Variants in TTN observed in about 807,000 individuals in gnomAD.
The protein encoded by TTN is titin, also known as connectin.
A neutral mutation model predicts 3,223.0 loss-of-function variants in TTN; 1,525 were observed. That is an observed-to-expected ratio of 0.47 (90% CI 0.45 to 0.49). TTN has a LOEUF of 0.49. Ranked by LOEUF, TTN falls within the 20% of genes least tolerant of loss-of-function variation. The pLI, the probability that TTN is intolerant of heterozygous loss-of-function variation, is 0.00. For synonymous variants in TTN, 14,094 were observed against 15,161.0 expected (o/e 0.93, Z 5.17); for missense variants, 40,786 against 43,424.0 (o/e 0.94, Z 5.40).
intron 47 of TTN, chr2:178,748,173 T>C (rs748029952): frequency 1.2e-6 from 2 of 1,613,190 alleles, no homozygotes; most frequent in African/African-American, 1.3e-5. Flanking sequence ...GTTTCTTCTA[T>C]ATCTGCAGAT....
At position 178,547,621 on chromosome 2, in the gene TTN, A is replaced by T. The variant is rs779852538; in HGVS notation, c.94005T>A (p.Asp31335Glu). ...SCVLSWGEPK[D>E]GGGTEITNYI... The stretch of plus-strand genomic sequence containing the variant: ...AATTAGTAATTTCAGTGCCTCCTCC[A>T]TCTTTAGGTTCTCCCCATGACAGGA... Residue 31335 changes from aspartate (D) to glutamate (E), a missense_variant, in exon 339 of 363, where the codon GAT becomes GAA. By Grantham distance (45) the Asp-to-Glu change is conservative (BLOSUM62 2). Transcript: ENST00000589042. 1.6e-5 allele frequency: 26 copies of T among 1,613,878 alleles called. No individual in the cohort carries two copies. The highest frequency in any genetic ancestry group is 2.2e-5 in the Non-Finnish European group (26 of 1,179,830).
At position 178,612,441 on chromosome 2, in the gene TTN, C is replaced by T. The variant is rs794729451; in HGVS notation, c.50084G>A (p.Arg16695Gln). 1.1e-5 allele frequency: 17 copies of T among 1,612,372 alleles called. No homozygotes were observed. The highest frequency in any genetic ancestry group is 2.7e-5 in the African/African-American group (2 of 74,800). ...NYIVEKRDVR[R>Q]KGWQTVDTTV... ...GGTATCCACTGTTTGCCAGCCTTTT[C>T]GCCTGACGTCTCTCTTTTCCACAAT... The change falls in exon 266 of 363, where the codon CGA (arginine) becomes CAA (glutamine). Residue 16695 changes from arginine to glutamine, a missense_variant. By Grantham distance (43) the Arg-to-Gln change is conservative. Transcript: ENST00000589042.
chr2:178,713,871 A>G, intron 92 of TTN, 26 bp downstream of exon 92: 2 of 1,606,450 alleles, frequency 1.2e-6, no homozygotes, highest in East Asian at 2.2e-5. Context: ...ATAATGATGA[A>G]GGAAAAGCCC....
In TTN at chr2:178,528,719, T is replaced by C. The variant is rs1404746485; in HGVS notation, c.107032A>G (p.Ile35678Val). 1 of 1,613,668 alleles carries C rather than the reference T, an allele frequency of 6.2e-7. No homozygotes were observed. Among genetic ancestry groups the C allele is most frequent in the Non-Finnish European group, 8.5e-7 (1 of 1,179,726 alleles). ...ACGATTCCTTCCTTGGTTTTGCTTA[T>C]GCAGGTGAGGATTCCTTCATCTCTG... is the stretch of plus-strand genomic sequence containing the variant. ...SHRDEGILTC[I>V]SKTKEGIVKC... Residue 35678 changes from isoleucine (I) to valine (V), a missense_variant, in exon 360 of 363, where the codon ATA becomes GTA. By Grantham distance (29) the Ile-to-Val change is conservative (BLOSUM62 3). Coordinates refer to ENST00000589042, the MANE Select transcript of TTN (RefSeq NM_001267550.2).
intron 15 of TTN, 48 bp downstream of exon 15, chr2:178,785,572 T>C (rs372008884): frequency 2.3e-5 from 37 of 1,612,244 alleles, no homozygotes; most frequent in Non-Finnish European, 2.0e-5. Context: ...ACAGGTTAGA[T>C]ACTTATTTCC....
Position 178,591,423 on chromosome 2 carries a change from A to G in TTN, c.60302T>C (p.Ile20101Thr), listed in dbSNP as rs777610858. 31 of 1,607,564 alleles carry G rather than the reference A, an allele frequency of 1.9e-5. No homozygotes were observed. Among genetic ancestry groups the G allele is most frequent in the African/African-American group, 2.7e-5 (2 of 74,670 alleles). ...AGTAGGAACAGGCACACCTCTTATA[A>G]TAGCAGGGAATCTGACTGTGGTTCC... ...KAGTTVRFPA[I>T]IRGVPVPTAK... is the part of the protein sequence containing the mutation. Residue 20101 changes from isoleucine (I) to threonine (T), a missense_variant, in exon 304 of 363, where the codon ATT becomes ACT. Ile to Thr is a moderately conservative substitution (Grantham distance 89). Coordinates refer to ENST00000589042, the MANE Select transcript of TTN (RefSeq NM_001267550.2).
At position 178,527,136 on chromosome 2, in the gene TTN, T is replaced by C. The variant is rs1212826574; in HGVS notation, c.107852A>G (p.Asp35951Gly). Residue 35951 changes from aspartate to glycine, a missense_variant, in exon 363 of 363, where the codon GAT becomes GGT. Physicochemically the swap from Asp to Gly is moderately conservative, Grantham distance 94 (BLOSUM62 -1). Coordinates refer to ENST00000589042, the MANE Select transcript of TTN (RefSeq NM_001267550.2). ...EQGRFHIENT[D>G]DLTTLIIMDV... is the part of the protein sequence containing the mutation. ...CATGATGATCAGGGTTGTCAGGTCATCTGTGTTTTCAATGTGGAACCTCCC... is the reference window on the plus strand; with the variant it reads ...CATGATGATCAGGGTTGTCAGGTCACCTGTGTTTTCAATGTGGAACCTCCC... The C allele has an allele frequency of 1.2e-6, 2 of 1,614,002 alleles. No individual in the cohort carries two copies. Among genetic ancestry groups the C allele is most frequent in the Non-Finnish European group, 1.7e-6 (2 of 1,179,876 alleles).
chr2:178,592,859 T>C lies in TTN; in HGVS notation c.59260A>G (p.Lys19754Glu), dbSNP rs752302911. Residue 19754 changes from lysine to glutamate, a missense_variant, in exon 300 of 363, where the codon AAG (lysine) becomes GAG (glutamate). Physicochemically the swap from Lys to Glu is moderately conservative, Grantham distance 56. Transcript: ENST00000589042. The part of the protein sequence containing the change: ...VTGLRDGQTY[K>E]FRVLAVNAAG... ...GCATTGACTGCTAACACTCTAAACTTATAGGTTTGACCGTCCCGAAGACCG... is the reference window on the plus strand; with the variant it reads ...GCATTGACTGCTAACACTCTAAACTCATAGGTTTGACCGTCCCGAAGACCG... 1 of 1,613,504 alleles carries C rather than the reference T, an allele frequency of 6.2e-7. No individual in the cohort carries two copies. The highest frequency in any genetic ancestry group is 8.5e-7 in the Non-Finnish European group (1 of 1,179,612).
Position 178,571,724 on chromosome 2 carries a change from A to G in TTN, c.74408T>C (p.Val24803Ala). Reference protein sequence around the residue: ...SAGEAIETLNVIVLDKPGPPT... With the variant: ...SAGEAIETLNAIVLDKPGPPT... ...AGGCCCTGGTTTGTCAAGAACGATA[A>G]CATTAAGGGTTTCAATAGCTTCACC... The change falls in exon 326 of 363, where the codon GTT (valine) becomes GCT (alanine). Residue 24803 changes from valine (V) to alanine (A), a missense_variant. Physicochemically the swap from Val to Ala is moderately conservative, Grantham distance 64. Coordinates refer to ENST00000589042, the MANE Select transcript of TTN (RefSeq NM_001267550.2). 6.2e-7 allele frequency: 1 copy of G among 1,613,470 alleles called. No individual in the cohort carries two copies. The highest frequency in any genetic ancestry group is 8.5e-7 in the Non-Finnish European group (1 of 1,179,572).
chr2:178,686,270 G>A (rs2070880453), intron 127 of TTN, among the ~76,000 whole-genome samples: 2 of 149,338 alleles, frequency 1.3e-5, no homozygotes, highest in Admixed American at 6.6e-5. Flanking sequence ...ACAGGCGCCC[G>A]CCACTACGCC....
rs868383233 is a variant in TTN at position 178,557,501 on chromosome 2, A to G, written c.87761T>C (p.Ile29254Thr). 8.1e-6 allele frequency: 13 copies of G among 1,613,826 alleles called. No individual in the cohort carries two copies. The Middle Eastern group carries it at 6.6e-4, about 82-fold the overall frequency. The change falls in exon 329 of 363, where the codon ATC becomes ACC. Residue 29254 changes from isoleucine to threonine, a missense_variant. By Grantham distance (89) the Ile-to-Thr change is moderately conservative. Coordinates refer to ENST00000589042, the MANE Select transcript of TTN (RefSeq NM_001267550.2). Reference protein sequence around the residue: ...PWVTNVTRESITVGWHEPVSN... With the variant: ...PWVTNVTRESTTVGWHEPVSN... ...CACTGGTTCATGCCAGCCCACAGTG[A>G]TGCTTTCTCGAGTAACATTAGTGAC...
Position 178,702,567 on chromosome 2 carries a change from A to G in TTN, c.30320T>C (p.Ile10107Thr). Residue 10107 changes from isoleucine to threonine, a missense_variant, in exon 107 of 363, where the codon ATT becomes ACT. Transcript: ENST00000589042. ...FECEVSFDDA[I>T]VTWYKGPTEL... ...TGTTGGTCCTTTGTACCATGTTACA[A>G]TGGCATCATCAAAGGACACTTCACA... The G allele has an allele frequency of 6.2e-7, 1 of 1,613,982 alleles. No individual in the cohort carries two copies. Among genetic ancestry groups the G allele is most frequent in the Non-Finnish European group, 8.5e-7 (1 of 1,179,888 alleles).
At chr2:178,624,780 A>G in intron 241 of TTN, 49 bp from the exon 242 acceptor site, 1 of 1,599,008 alleles carries the variant, frequency 6.3e-7, no homozygotes, top group Non-Finnish European at 8.5e-7. Flanking sequence ...CTTCTCCAAG[A>G]GTTTTGGTAC....
In TTN at chr2:178,527,295, T is replaced by A. The variant is rs774242716; in HGVS notation, c.107693A>T (p.Lys35898Ile). 17 of 1,593,822 alleles carry A rather than the reference T, an allele frequency of 1.1e-5. No homozygotes were observed. The highest frequency in any genetic ancestry group is 3.4e-6 in the Non-Finnish European group (4 of 1,169,332). ...LKAGIRGIPP[K>I]IEALPSDISI... ...GATATCAGATGGAAGAGCTTCAATTTTAGGCGGAATTCCTTTATGGAACAA... is the reference window on the plus strand; with the variant it reads ...GATATCAGATGGAAGAGCTTCAATTATAGGCGGAATTCCTTTATGGAACAA... The change falls in exon 363 of 363, where the codon AAA becomes ATA. Residue 35898 changes from lysine (K) to isoleucine (I), a missense_variant. Coordinates refer to ENST00000589042, the MANE Select transcript of TTN (RefSeq NM_001267550.2).
In TTN at chr2:178,587,909, T is replaced by C; in HGVS notation, c.63498A>G (p.Lys21166=). 6.3e-7 allele frequency: 1 copy of C among 1,592,902 alleles called. No individual in the cohort carries two copies. The highest frequency in any genetic ancestry group is 1.7e-5 in the Admixed American group (1 of 58,112). The part of the protein sequence containing the change: ...PAELKEAIKP[K]EILEPPEIDL... ...AAGGGAAGGACTTACCTAGTATTTCTTTAGGTTTGATAGCTTCCTTTAGCT... is the reference window on the plus strand; with the variant it reads ...AAGGGAAGGACTTACCTAGTATTTCCTTAGGTTTGATAGCTTCCTTTAGCT... Residue 21166 remains lysine, a synonymous_variant, in exon 305 of 363, where the codon AAA becomes AAG. Transcript: ENST00000589042.
chr2:178,717,010 GCT>G, intron 88 of TTN, 83 bp downstream of exon 88: 2 of 1,442,820 alleles, frequency 1.4e-6, no homozygotes, highest in Non-Finnish European at 1.9e-6. Context: ...CCTAAACATA[GCT>G]CTCTCTCAAG....
At position 178,778,198 on chromosome 2, in the gene TTN, T is replaced by C. The variant is rs7570526; in HGVS notation, c.4209-223A>G. On this transcript the variant is annotated intron_variant, in intron 24 of 362. Transcript: ENST00000589042. ...AATTTTAGCTGGTAGTCATTCAGTA[T>C]ATCCAGGTACCCAGGCTCAAAAATC... 583,283 of 583,516 alleles carry C rather than the reference T, an allele frequency of 1. 291,525 individuals carry two copies. Among genetic ancestry groups the C allele is most frequent in the Middle Eastern group, 1 (2,062 of 2,062 alleles). 36.1% of individuals were successfully genotyped at this position (583,516 alleles called of 1,614,324 possible). A position where few individuals can be genotyped will look rare whatever the true frequency, so the allele number is the denominator to read the frequency against.
rs1364199300 is a variant in TTN at position 178,571,197 on chromosome 2, A to G, written c.74935T>C (p.Tyr24979His). Reference sequence around the variant, plus strand: ...TTCTCTGCAGAGACTCTAAATTCATATTCAACACCTTCTTCAAGGCCAGTT... The same window carrying G: ...TTCTCTGCAGAGACTCTAAATTCATGTTCAACACCTTCTTCAAGGCCAGTT... Reference protein sequence around the residue: ...KTTGLEEGVEYEFRVSAENIV... With the variant: ...KTTGLEEGVEHEFRVSAENIV... Residue 24979 changes from tyrosine (Y) to histidine (H), a missense_variant, in exon 326 of 363, where the codon TAT becomes CAT. Tyr to His is a moderately conservative substitution (Grantham distance 83). Coordinates refer to ENST00000589042, the MANE Select transcript of TTN (RefSeq NM_001267550.2). 3 of 1,613,546 alleles carry G rather than the reference A, an allele frequency of 1.9e-6. No homozygotes were observed. In the Admixed American group the frequency reaches 5.0e-5, roughly 27 times the overall value.
chr2:178,626,232 T>C (rs1217673179), intron 240 of TTN, among the ~76,000 whole-genome samples: 1 of 152,002 alleles, frequency 6.6e-6, no homozygotes, highest in African/African-American at 2.4e-5. Context: ...GCAAACCAAT[T>C]AAACCTGTGA....
Sources: allele counts gnomAD v4.1 joint callset (sites outside exome capture counted in the v4.1 genomes callset), GRCh38; gene constraint gnomAD v4.1.1; transcripts MANE v1.5; gene names NCBI Gene and HGNC (gene_info 2026-07-23, HGNC 2026-07-21).